IGFLR1: variants seen among roughly 807,000 people sequenced by gnomAD.
IGFLR1 encodes IGF-like family receptor 1.
In IGFLR1, 17 loss-of-function variants were observed where a neutral mutation model predicts 23.4. That is an observed-to-expected ratio of 0.73 (90% confidence interval 0.50 to 1.09). IGFLR1 has a LOEUF of 1.09. Among genes scored for constraint, IGFLR1 ranks in the 50% least tolerant of loss-of-function variants. IGFLR1 has a pLI of 0.00. For synonymous variants in IGFLR1, 265 were observed against 210.7 expected (o/e 1.26, Z -2.23); for missense variants, 556 against 459.2 (o/e 1.21, Z -1.93).
intron 2 of IGFLR1, 187 bp downstream of exon 2, chr19:35,740,837 T>G: frequency 1.5e-6 from 1 of 658,714 alleles, no homozygotes; most frequent in Non-Finnish European, 2.5e-6. Flanking sequence ...ATCCATTCGC[T>G]GTTGCCCTAC....
intron 2 of IGFLR1, 178 bp from the exon 3 acceptor site, chr19:35,740,742 C>T (rs940238938): frequency 3.2e-5 from 22 of 687,472 alleles, no homozygotes; most frequent in Middle Eastern, 4.1e-4. Flanking sequence ...CTCCAGCCTG[C>T]TCCGCACGAA....
intron 1 of IGFLR1, 118 bp downstream of exon 1, chr19:35,742,278 A>G (rs1210799478): frequency 2.6e-5 from 20 of 771,774 alleles, no homozygotes; most frequent in Non-Finnish European, 3.6e-5. Context: ...TTTGAATCCT[A>G]ATCTCCTTGG....
rs777142494 is a variant in IGFLR1, at chr19:35,739,939, G to C, written c.492C>G (p.Leu164=). The C allele has an allele frequency of 6.2e-7, 1 of 1,614,156 alleles. No individual in the cohort carries two copies. Among genetic ancestry groups the C allele is most frequent in the African/African-American group, 1.3e-5 (1 of 75,036 alleles). The part of the protein sequence containing the change: ...PQQAWPNFLP[L]VVLVLLLTLA... ...AGGTCAGGAGCAGGACCAGCACCAC[G>C]AGCGGAAGGAAATTCGGCCAGGCCT... The change falls in exon 4 of 5, where the codon CTC becomes CTG. Residue 164 remains leucine, a synonymous_variant. Transcript: ENST00000246532.
rs1970145313 is a variant in IGFLR1, at chr19:35,740,421, G to A, written c.301C>T (p.Pro101Ser). The change falls in exon 3 of 5, where the codon CCC (proline) becomes TCC (serine). Residue 101 changes from proline (P) to serine (S), a missense_variant. Coordinates refer to ENST00000246532, the MANE Select transcript of IGFLR1 (RefSeq NM_024660.4). The part of the protein sequence containing the change: ...PCGGGAVTPT[P>S]AAGGGRTPWR... ...GGGGTTCTGCCCCCGCCCGCGGCGG[G>A]AGTAGGGGTCACGGCTCCGCCGCCG... 1.2e-6 allele frequency: 2 copies of A among 1,610,342 alleles called. No individual in the cohort carries two copies. Among genetic ancestry groups the A allele is most frequent in the Non-Finnish European group, 8.5e-7 (1 of 1,178,614 alleles).
chr19:35,741,070 C>T lies in IGFLR1; in HGVS notation c.111G>A (p.Lys37=). Reference sequence around the variant, plus strand: ...AGCGTTGCAGGCAGCTGCTGCAGCACTTGTTGTCTGGGTTCCAGTATTCAA... The same window carrying T: ...AGCGTTGCAGGCAGCTGCTGCAGCATTTGTTGTCTGGGTTCCAGTATTCAA... ...GRLEYWNPDN[K]CCSSCLQRFG... The change falls in exon 2 of 5, where the codon AAG becomes AAA. Residue 37 remains lysine (K), a synonymous_variant. Coordinates refer to ENST00000246532, the MANE Select transcript of IGFLR1 (RefSeq NM_024660.4). 1 of 1,607,660 alleles carries T rather than the reference C, an allele frequency of 6.2e-7. No homozygotes were observed. Among genetic ancestry groups the T allele is most frequent in the Middle Eastern group, 1.7e-4 (1 of 6,020 alleles).
rs770478677 is a variant in IGFLR1, at chr19:35,739,395, GCCA to G, written c.950_952del (p.Val317del). On this transcript the variant is annotated inframe_deletion, in exon 5 of 5. Coordinates refer to ENST00000246532, the MANE Select transcript of IGFLR1 (RefSeq NM_024660.4). ...GCCCAGGGAGGCAGAGGGCTCCCTT[GCCA>G]CCACCATCTCAATCAGAGCCCGCAG... 1.2e-6 allele frequency: 2 copies of G among 1,613,468 alleles called. No individual in the cohort carries two copies.
Position 35,740,932 on chromosome 19 carries a change from C to T in IGFLR1, c.157+92G>A, listed in dbSNP as rs1422846046. ...CCACCGCTTAGACCCCTAAGCAAGCCTCTCTGGCCCGTAGCCCACAGACCT... is the reference window on the plus strand; with the variant it reads ...CCACCGCTTAGACCCCTAAGCAAGCTTCTCTGGCCCGTAGCCCACAGACCT... On this transcript the variant is annotated intron_variant, in intron 2 of 4. Coordinates refer to ENST00000246532, the MANE Select transcript of IGFLR1 (RefSeq NM_024660.4). The T allele has an allele frequency of 5.6e-6, 7 of 1,258,450 alleles. No homozygotes were observed. The East Asian group carries it at 1.5e-4, about 26-fold the overall frequency. 78.0% of individuals were successfully genotyped at this position (1,258,450 alleles called of 1,614,324 possible).
At chr19:35,740,916 A>T (rs1970191739) in intron 2 of IGFLR1, 108 bp downstream of exon 2, 1 of 1,058,414 alleles carries the variant, frequency 9.4e-7, no homozygotes, top group African/African-American at 1.6e-5. Context: ...CCCACCGCTT[A>T]GACCCCTAAG....
At chr19:35,740,740 T>C (rs568604737) in intron 2 of IGFLR1, 176 bp from the exon 3 acceptor site, 13 of 686,290 alleles carry the variant, frequency 1.9e-5, no homozygotes, top group African/African-American at 9.1e-5. Context: ...CCCTCCAGCC[T>C]GCTCCGCACG....
intron 1 of IGFLR1, 109 bp from the exon 2 acceptor site, chr19:35,741,332 C>G: frequency 8.7e-7 from 1 of 1,146,194 alleles, no homozygotes. Context: ...CCTCATCCCC[C>G]AACTGAGCCG....
At position 35,740,389 on chromosome 19, in the gene IGFLR1, G is replaced by A. The variant is rs1439949954; in HGVS notation, c.333C>T (p.Arg111=). ...GGAGTCCCATCTGCACCTCTCTGCA[G>A]CGCCACGGGGTTCTGCCCCCGCCCG... ...PAAGGGRTPW[R]CRERPVPAKG... is the part of the protein sequence containing the mutation. The change falls in exon 3 of 5, where the codon CGC becomes CGT. Residue 111 remains arginine (R), a synonymous_variant. Coordinates refer to ENST00000246532, the MANE Select transcript of IGFLR1 (RefSeq NM_024660.4). The A allele has an allele frequency of 3.1e-6, 5 of 1,595,858 alleles. No homozygotes were observed. Among genetic ancestry groups the A allele is most frequent in the Non-Finnish European group, 4.3e-6 (5 of 1,172,012 alleles).
rs748448342 is a variant in IGFLR1, at chr19:35,739,462, A to G, written c.886T>C (p.Ser296Pro). The G allele has an allele frequency of 6.2e-7, 1 of 1,613,844 alleles. No homozygotes were observed. The highest frequency in any genetic ancestry group is 1.3e-5 in the African/African-American group (1 of 74,930). The change falls in exon 5 of 5, where the codon TCC becomes CCC. Residue 296 changes from serine (S) to proline (P), a missense_variant. Transcript: ENST00000246532. The stretch of plus-strand genomic sequence containing the variant: ...GGCCTCAGCGAATAGGCAAAGGTGG[A>G]CCAGGCAGCAGGCAGCCCATATCTT... The part of the protein sequence containing the change: ...AARYGLPAAW[S>P]TFAYSLRPSR...
chr19:35,741,373 G>T, intron 1 of IGFLR1, 150 bp from the exon 2 acceptor site: 1 of 701,988 alleles, frequency 1.4e-6, no homozygotes, highest in Non-Finnish European at 2.4e-6. Flanking sequence ...GGCCACTAGG[G>T]GACTAACAGG....
rs1248670694 is a variant in IGFLR1, at chr19:35,739,759, C to G, written c.672G>C (p.Glu224Asp). ...SSHLSSPGAL[E>D]TGDTWKEASL... ...AGGCCTCCTTCCATGTGTCCCCTGTCTCCAGGGCGCCTGGGGAGGACAGAT... is the reference window on the plus strand; with the variant it reads ...AGGCCTCCTTCCATGTGTCCCCTGTGTCCAGGGCGCCTGGGGAGGACAGAT... Residue 224 changes from glutamate (E) to aspartate (D), a missense_variant, in exon 4 of 5, where the codon GAG becomes GAC. Coordinates refer to ENST00000246532, the MANE Select transcript of IGFLR1 (RefSeq NM_024660.4). 3.2e-6 allele frequency: 5 copies of G among 1,557,604 alleles called. No individual in the cohort carries two copies. The highest frequency in any genetic ancestry group is 4.4e-6 in the Non-Finnish European group (5 of 1,148,688).
rs780201286 is a variant in IGFLR1 at position 35,739,765 on chromosome 19, G to A, written c.666C>T (p.Ala222=). The A allele has an allele frequency of 3.9e-6, 6 of 1,558,130 alleles. No individual in the cohort carries two copies. Among genetic ancestry groups the A allele is most frequent in the East Asian group, 2.3e-5 (1 of 44,288 alleles). ...PSSSHLSSPG[A]LETGDTWKEA... is the part of the protein sequence containing the mutation. ...CCTTCCATGTGTCCCCTGTCTCCAG[G>A]GCGCCTGGGGAGGACAGATGCGAGG... Residue 222 remains alanine, a synonymous_variant, in exon 4 of 5, where the codon GCC becomes GCT. Coordinates refer to ENST00000246532, the MANE Select transcript of IGFLR1 (RefSeq NM_024660.4).
chr19:35,740,570 G>A lies in IGFLR1; in HGVS notation c.158-6C>T, dbSNP rs1411981432. 3.1e-6 allele frequency: 5 copies of A among 1,596,592 alleles called. No individual in the cohort carries two copies. The highest frequency in any genetic ancestry group is 1.1e-5 in the South Asian group (1 of 89,274). ...GTTTTCCCGGAACTCATAGTCTAGCGGGAAAGCTGCGCTCCAGTGCGGCCG... is the reference window on the plus strand; with the variant it reads ...GTTTTCCCGGAACTCATAGTCTAGCAGGAAAGCTGCGCTCCAGTGCGGCCG... On this transcript the variant is annotated splice_region_variant and splice_polypyrimidine_tract_variant and intron_variant, in intron 2 of 4. Transcript: ENST00000246532.
At chr19:35,741,781 G>A (rs2031875396) in intron 1 of IGFLR1, among the ~76,000 whole-genome samples, 2 of 150,740 alleles carry the variant, frequency 1.3e-5, no homozygotes, top group Admixed American at 6.6e-5. Context: ...TTACAGACCA[G>A]CCTGGGCAAC....
chr19:35,741,744 A>C (rs180860582), intron 1 of IGFLR1, among the ~76,000 whole-genome samples: 2 of 151,696 alleles, frequency 1.3e-5, no homozygotes, highest in Admixed American at 1.3e-4. Context: ...AGGGAGGCCA[A>C]GGTAGGAGGA....
chr19:35,739,315 A>G lies in IGFLR1; in HGVS notation c.1033T>C (p.Ser345Pro), dbSNP rs1970056358. The change falls in exon 5 of 5, where the codon TCC becomes CCC. Residue 345 changes from serine (S) to proline (P), a missense_variant. By Grantham distance (74) the Ser-to-Pro change is moderately conservative (BLOSUM62 -1). Transcript: ENST00000246532. ...CAAACCCCAGATGAGCCAAGCTTGG[A>G]CAGCACCCGCAATGCATCTGCCCGC... is the stretch of plus-strand genomic sequence containing the variant. The part of the protein sequence containing the change: ...LGRADALRVL[S>P]KLGSSGVCWA The G allele has an allele frequency of 6.2e-7, 1 of 1,605,840 alleles. No homozygotes were observed. The highest frequency in any genetic ancestry group is 8.5e-7 in the Non-Finnish European group (1 of 1,175,382).
Sources: allele counts gnomAD v4.1 joint callset (sites outside exome capture counted in the v4.1 genomes callset), GRCh38; gene constraint gnomAD v4.1.1; transcripts MANE v1.5; gene names NCBI Gene and HGNC (gene_info 2026-07-23, HGNC 2026-07-21).